ASIP: variants seen among roughly 807,000 people sequenced by gnomAD.
The protein encoded by ASIP is agouti-signaling protein.
In ASIP, 11 loss-of-function variants were observed where a neutral mutation model predicts 10.3. The observed-to-expected ratio is 1.07, with a 90% CI of 0.68 to 1.78. The LOEUF (loss-of-function observed/expected upper bound fraction) is 1.78. Among genes scored for constraint, ASIP ranks in the 40% most tolerant of loss-of-function variants. The pLI, the probability that ASIP is intolerant of heterozygous loss-of-function variation, is 0.00. For synonymous variants in ASIP, 70 were observed against 70.8 expected (o/e 0.99, Z 0.06); for missense variants, 180 against 169.2 (o/e 1.06, Z -0.35).
chr20:34,235,844 G>GAAAGAAA (rs1568756042), intron 1 of ASIP, among the ~76,000 whole-genome samples: 373 of 25,804 alleles, frequency 0.014, 2 homozygotes, highest in East Asian at 0.017. Flanking sequence ...AAAGAAAGAA[G>GAAAGAAA]GAAGGAAGGA....
At chr20:34,204,237 TG>T (rs2034920013) in intron 1 of ASIP, among the ~76,000 whole-genome samples, 1 of 151,488 alleles carries the variant, frequency 6.6e-6, no homozygotes. Context: ...TTTTTTTTTT[TG>T]AGACGGAGTT....
chr20:34,247,292 A>G (rs2035393145), intron 1 of ASIP, among the ~76,000 whole-genome samples: 1 of 137,476 alleles, frequency 7.3e-6, no homozygotes, highest in Non-Finnish European at 1.6e-5. Flanking sequence ...TTATTACATT[A>G]TATGATGCTT....
rs568682119 is a variant in ASIP at position 34,203,872 on chromosome 20, C to T, written c.-11+9112C>T. 7.0e-4 allele frequency among the ~76,000 whole-genome samples: 106 copies of T among 152,158 alleles called. 1 individual carries two copies. The highest frequency in any genetic ancestry group is 2.5e-3 in the African/African-American group (102 of 41,508). On this transcript the variant is annotated intron_variant, in intron 1 of 3. Transcript: ENST00000568305. ...CCAAGTAGCTGGGATTACAGGCACA[C>T]GCCACCATACCCGGCTAATTTTGTA...
chr20:34,207,805 T>C (rs960978583), intron 1 of ASIP, among the ~76,000 whole-genome samples: 1 of 151,448 alleles, frequency 6.6e-6, no homozygotes, highest in Non-Finnish European at 1.5e-5. Flanking sequence ...TATTTATTTA[T>C]TTGAGATGGA....
At chr20:34,221,971 G>T (rs981463304) in intron 1 of ASIP, among the ~76,000 whole-genome samples, 2 of 152,152 alleles carry the variant, frequency 1.3e-5, no homozygotes, top group Non-Finnish European at 1.5e-5. Flanking sequence ...TTAGCCAGGT[G>T]TGGTGGCATG....
chr20:34,257,971 T>C lies in ASIP; in HGVS notation c.-10-2394T>C, dbSNP rs552736890. On this transcript the variant is annotated intron_variant, in intron 1 of 3. Coordinates refer to ENST00000374954, the MANE Select transcript of ASIP (RefSeq NM_001672.3). ...TCAGCTTGGCCAACATGGTGAAACC[T>C]TGTCTCTACAAAAAATACAAAAATT... Among the ~76,000 whole-genome samples, 19 of 152,104 alleles carry C rather than the reference T, an allele frequency of 1.2e-4. No individual in the cohort carries two copies. In the South Asian group the frequency reaches 3.9e-3, roughly 32 times the overall value.
intron 1 of ASIP, among the ~76,000 whole-genome samples, chr20:34,224,138 T>G (rs1274613790): frequency 6.8e-6 from 1 of 146,604 alleles, no homozygotes; most frequent in Non-Finnish European, 1.5e-5. Context: ...CACTTGTTTA[T>G]CTGCTGACCT....
chr20:34,246,501 CT>C, intron 1 of ASIP: 1 of 1,339,932 alleles, frequency 7.5e-7, no homozygotes, highest in Non-Finnish European at 1.1e-6. Context: ...CTTGGGTCTC[CT>C]TTGCAATCAG....
intron 1 of ASIP, among the ~76,000 whole-genome samples, chr20:34,197,315 C>G (rs138120153): frequency 1.3e-5 from 2 of 152,078 alleles, no homozygotes; most frequent in African/African-American, 4.8e-5. Flanking sequence ...GAGCAGAGAT[C>G]GTGCCACTGC....
intron 1 of ASIP, among the ~76,000 whole-genome samples, chr20:34,198,027 G>C (rs2122532535): frequency 6.6e-6 from 1 of 151,592 alleles, no homozygotes; most frequent in South Asian, 2.1e-4. Flanking sequence ...TTGATGTTGT[G>C]GTAGCTGACT....
intron 1 of ASIP, among the ~76,000 whole-genome samples, chr20:34,245,562 A>G (rs1323043794): frequency 6.7e-6 from 1 of 149,994 alleles, no homozygotes; most frequent in Non-Finnish European, 1.5e-5. Context: ...TAAATTTTGT[A>G]TTTTTTTTGG....
At chr20:34,212,293 T>C (rs1393236447) in intron 1 of ASIP, among the ~76,000 whole-genome samples, 1 of 152,222 alleles carries the variant, frequency 6.6e-6, no homozygotes, top group Admixed American at 6.5e-5. Context: ...TGATTGTTAA[T>C]ACTTTGTCTC....
upstream of ASIP, among the ~76,000 whole-genome samples, chr20:34,238,242 T>C (rs1338654229): frequency 2.0e-5 from 3 of 152,316 alleles, no homozygotes; most frequent in South Asian, 6.2e-4. Context: ...TGGGTTTTTT[T>C]CTCTCTTCTC....
intron 1 of ASIP, among the ~76,000 whole-genome samples, chr20:34,195,961 A>T (rs186074323): frequency 6.6e-6 from 1 of 152,126 alleles, no homozygotes; most frequent in Non-Finnish European, 1.5e-5. Flanking sequence ...CTTCTTTGAG[A>T]CAGCCTGCAG....
At chr20:34,227,006 A>G (rs2122572572) in intron 1 of ASIP, among the ~76,000 whole-genome samples, 1 of 152,360 alleles carries the variant, frequency 6.6e-6, no homozygotes, top group African/African-American at 2.4e-5. Context: ...TCAGTAAGGC[A>G]AGAACAAGGA....
intron 2 of ASIP, among the ~76,000 whole-genome samples, chr20:34,262,372 A>G (rs1044530069): frequency 3.9e-5 from 6 of 152,208 alleles, no homozygotes; most frequent in African/African-American, 1.4e-4. Flanking sequence ...CAGGATTCAA[A>G]TCAGGTCCTC....
chr20:34,235,847 A>G (rs2035183568), intron 1 of ASIP, among the ~76,000 whole-genome samples: 1 of 46,372 alleles, frequency 2.2e-5, no homozygotes, highest in Non-Finnish European at 3.3e-5. Flanking sequence ...GAAAGAAGGA[A>G]GGAAGGAAGG....
intron 1 of ASIP, among the ~76,000 whole-genome samples, chr20:34,258,695 A>ATATATATAT (rs1568768712): frequency 3.9e-4 from 6 of 15,518 alleles, no homozygotes; most frequent in Non-Finnish European, 7.6e-4. Context: ...ATATATACAT[A>ATATATATAT]CTATATATAT....
chr20:34,209,594 A>G (rs978612841), intron 1 of ASIP, among the ~76,000 whole-genome samples: 3 of 152,066 alleles, frequency 2.0e-5, no homozygotes, highest in African/African-American at 4.8e-5. Flanking sequence ...ACCCACTCCA[A>G]TCTTGGAGTA....
Sources: allele counts gnomAD v4.1 joint callset (sites outside exome capture counted in the v4.1 genomes callset), GRCh38; gene constraint gnomAD v4.1.1; transcripts MANE v1.5; gene names NCBI Gene and HGNC (gene_info 2026-07-23, HGNC 2026-07-21).